RIMS2: variants seen among roughly 807,000 people sequenced by gnomAD.
RIMS2 encodes regulating synaptic membrane exocytosis 2.
A neutral mutation model predicts 174.4 loss-of-function variants in RIMS2; 59 were observed. The ratio of observed to expected loss-of-function variants is 0.34; its 90% CI spans 0.27 to 0.42. The LOEUF is 0.42. Among genes scored for constraint, RIMS2 ranks in the 10% least tolerant of loss-of-function variants. The pLI, the probability that RIMS2 is intolerant of heterozygous loss-of-function variation, is 1.00. For missense variants in RIMS2, 1,620 were observed against 1,666.3 expected, an observed-to-expected ratio of 0.97 and a Z score of 0.48; for synonymous variants, 606 against 572.5, an observed-to-expected ratio of 1.06 and a Z score of -0.84.
intron 4 of RIMS2, among the ~76,000 whole-genome samples, chr8:103,903,710 G>A (rs1311815342): frequency 6.6e-6 from 1 of 152,118 alleles, no homozygotes; most frequent in Non-Finnish European, 1.5e-5. Flanking sequence ...TGTGCTTCTT[G>A]TGTAACTTCC....
intron 2 of RIMS2, among the ~76,000 whole-genome samples, chr8:103,707,760 C>G (rs1342448832): frequency 1.3e-5 from 2 of 152,178 alleles, no homozygotes; most frequent in East Asian, 3.9e-4. Context: ...GGACCCTGGC[C>G]ACTATTGCCT....
intron 1 of RIMS2, among the ~76,000 whole-genome samples, chr8:103,580,208 G>C (rs2093523065): frequency 6.6e-6 from 1 of 151,912 alleles, no homozygotes; most frequent in Non-Finnish European, 1.5e-5. Flanking sequence ...GAATGTAAAT[G>C]GACTTAATTC....
chr8:103,569,254 T>C (rs1281856497), intron 1 of RIMS2, among the ~76,000 whole-genome samples: 6 of 152,184 alleles, frequency 3.9e-5, no homozygotes, highest in Admixed American at 3.9e-4. Context: ...TGTATATGGA[T>C]AAACAGTTTT....
chr8:103,616,264 A>T (rs1389682717), intron 1 of RIMS2, among the ~76,000 whole-genome samples: 1 of 152,200 alleles, frequency 6.6e-6, no homozygotes, highest in Non-Finnish European at 1.5e-5. Context: ...CTGAAGACAA[A>T]AAAACACATG....
At chr8:103,942,585 C>T (rs2082780348) in intron 13 of RIMS2, among the ~76,000 whole-genome samples, 188 bp from the exon 16 acceptor site, 1 of 152,086 alleles carries the variant, frequency 6.6e-6, no homozygotes, top group South Asian at 2.1e-4. Context: ...ACTATTAAAT[C>T]ACTAAGAAGT....
chr8:103,604,261 T>A (rs1351085852), intron 1 of RIMS2, among the ~76,000 whole-genome samples: 4 of 151,274 alleles, frequency 2.6e-5, no homozygotes, highest in Non-Finnish European at 4.4e-5. Context: ...AGAGAATCCT[T>A]TCCCCATTGC....
chr8:104,236,740 T>C (rs990762819), intron 19 of RIMS2, among the ~76,000 whole-genome samples: 2 of 152,080 alleles, frequency 1.3e-5, no homozygotes, highest in Admixed American at 6.6e-5. Flanking sequence ...TGTAAAAGAA[T>C]ATCAGGAATT....
At chr8:103,677,582 A>G (rs1247607423) in intron 1 of RIMS2, among the ~76,000 whole-genome samples, 1 of 152,202 alleles carries the variant, frequency 6.6e-6, no homozygotes, top group African/African-American at 2.4e-5. Context: ...ACAGCAATGG[A>G]CACAATGGCC....
intron 19 of RIMS2, among the ~76,000 whole-genome samples, chr8:104,189,535 C>G (rs1294143453): frequency 6.7e-6 from 1 of 149,460 alleles, no homozygotes; most frequent in Non-Finnish European, 1.5e-5. Flanking sequence ...GAAAGTTTAT[C>G]TAAACTGGAT....
At chr8:104,105,932 C>T (rs914050348) in intron 19 of RIMS2, among the ~76,000 whole-genome samples, 7 of 145,350 alleles carry the variant, frequency 4.8e-5, no homozygotes, top group African/African-American at 1.5e-4. Context: ...CCCAGCTACT[C>T]GGGAGGCTGA....
Position 104,020,096 on chromosome 8 carries a change from G to T in RIMS2, c.3334+5481G>T, listed in dbSNP as rs1057360386. On this transcript the variant is annotated intron_variant, in intron 19 of 23. Coordinates refer to ENST00000504942, the Ensembl canonical transcript of RIMS2. ...ATAAAAATGATTTTTCATTTATTTG[G>T]TTTTTTTTACTTTTCCTATGAGATA... is the stretch of plus-strand genomic sequence containing the variant. 2.4e-4 allele frequency among the ~76,000 whole-genome samples: 36 copies of T among 151,598 alleles called. 1 individual carries two copies. Among genetic ancestry groups the T allele is most frequent in the Admixed American group, 1.4e-3 (21 of 15,226 alleles).
intron 4 of RIMS2, among the ~76,000 whole-genome samples, chr8:103,886,927 TG>T (rs1317643455): frequency 1.3e-5 from 2 of 151,858 alleles, no homozygotes; most frequent in Non-Finnish European, 2.9e-5. Context: ...AAAATTATAA[TG>T]GTTATCTTTA....
At chr8:103,775,386 G>A (rs1336173805) in intron 3 of RIMS2, among the ~76,000 whole-genome samples, 1 of 152,026 alleles carries the variant, frequency 6.6e-6, no homozygotes, top group East Asian at 1.9e-4. Context: ...AATCACCAAT[G>A]TTTTTCTTAG....
intron 3 of RIMS2, among the ~76,000 whole-genome samples, chr8:103,782,983 T>G (rs2098405837): frequency 6.6e-6 from 1 of 152,200 alleles, no homozygotes; most frequent in African/African-American, 2.4e-5. Flanking sequence ...AATTTCAGTT[T>G]GTGTAGGTCA....
At chr8:104,136,852 A>C (rs2098525080) in intron 19 of RIMS2, among the ~76,000 whole-genome samples, 1 of 152,090 alleles carries the variant, frequency 6.6e-6, no homozygotes, top group African/African-American at 2.4e-5. Flanking sequence ...ATGAGTACTA[A>C]GCTTAATACC....
chr8:103,916,334 T>G, intron 7 of RIMS2, 80 bp from the exon 11 acceptor site: 5 of 988,798 alleles, frequency 5.1e-6, no homozygotes, highest in Non-Finnish European at 7.6e-6. Flanking sequence ...TGGAGTTTAT[T>G]GAAGTTTAAG....
At chr8:103,904,438 G>A (rs2073931957) in intron 4 of RIMS2, among the ~76,000 whole-genome samples, 1 of 152,012 alleles carries the variant, frequency 6.6e-6, no homozygotes, top group South Asian at 2.1e-4. Flanking sequence ...GATCTTAGCT[G>A]TTGGATTTTT....
At chr8:104,147,526 T>G (rs2098651763) in intron 19 of RIMS2, among the ~76,000 whole-genome samples, 1 of 152,160 alleles carries the variant, frequency 6.6e-6, no homozygotes, top group African/African-American at 2.4e-5. Flanking sequence ...AGAGTTCACC[T>G]CAATAAGTTA....
At chr8:104,017,839 G>A (rs1565872449) in intron 19 of RIMS2, among the ~76,000 whole-genome samples, 1 of 152,150 alleles carries the variant, frequency 6.6e-6, no homozygotes, top group East Asian at 1.9e-4. Context: ...ACTTTGGGAG[G>A]CTGAGGTGGG....
Sources: gnomAD v4.1 joint callset for allele counts (sites outside exome capture counted in the v4.1 genomes callset) on GRCh38, gnomAD v4.1.1 for gene constraint, MANE v1.5 for transcripts, NCBI Gene and HGNC (gene_info 2026-07-23, HGNC 2026-07-21) for gene names.